RAPGEF2: variants seen among roughly 807,000 people sequenced by gnomAD.
RAPGEF2 encodes the protein Rap guanine nucleotide exchange factor 2.
A neutral mutation model predicts 186.7 loss-of-function variants in RAPGEF2; 54 were observed. The ratio of observed to expected loss-of-function variants is 0.29; its 90% confidence interval spans 0.23 to 0.36. The LOEUF is 0.36. RAPGEF2 is among the 10% of genes least tolerant of loss of function. RAPGEF2 has a pLI of 1.00. For synonymous variants in RAPGEF2, 712 were observed against 705.9 expected (o/e 1.01, Z -0.14); for missense variants, 1,532 against 2,045.0 (o/e 0.75, Z 4.84).
chr4:159,182,386 CTTTTTTT>C lies in RAPGEF2; in HGVS notation c.70-4235_70-4229del, dbSNP rs575743979. ...AAGCTTCCTAGTATTTTCTTTTCTT[CTTTTTTT>C]TTTTTTTTTTTTTTTTTTTTGATAC... On this transcript the variant is annotated intron_variant, in intron 1 of 29. Transcript: ENST00000691494. Among the ~76,000 whole-genome samples the C allele has an allele frequency of 1.1e-3, 94 of 85,670 alleles. 1 individual carries two copies. Among genetic ancestry groups the C allele is most frequent in the African/African-American group, 2.2e-3 (51 of 22,982 alleles). 56.2% of individuals were successfully genotyped at this position (85,670 alleles called of 152,430 possible).
intron 3 of RAPGEF2, among the ~76,000 whole-genome samples, chr4:159,201,616 G>C (rs183688345): frequency 0.023 from 3,567 of 152,254 alleles, 65 homozygotes; most frequent in Non-Finnish European, 0.036. Flanking sequence ...CAGCAGTGTA[G>C]GTGAGCAAAA....
At chr4:159,319,381 T>C (rs1197957057) in intron 9 of RAPGEF2, among the ~76,000 whole-genome samples, 1 of 152,168 alleles carries the variant, frequency 6.6e-6, no homozygotes, top group Non-Finnish European at 1.5e-5. Flanking sequence ...TAATGCTTGA[T>C]GATCTGAGGC....
chr4:159,261,677 C>T (rs1319740693), intron 7 of RAPGEF2, among the ~76,000 whole-genome samples: 1 of 152,216 alleles, frequency 6.6e-6, no homozygotes, highest in Admixed American at 6.5e-5. Context: ...CTGTAATACC[C>T]TACAGTGCAG....
At chr4:159,168,868 G>A (rs1305149176) in intron 1 of RAPGEF2, among the ~76,000 whole-genome samples, 2 of 152,238 alleles carry the variant, frequency 1.3e-5, no homozygotes, top group African/African-American at 4.8e-5. Flanking sequence ...GGATATAGAA[G>A]TTTTGATATC....
At chr4:159,113,951 G>GTTTAT (rs148887171) in intron 1 of RAPGEF2, among the ~76,000 whole-genome samples, 2,769 of 151,308 alleles carry the variant, frequency 0.018, 78 homozygotes, top group African/African-American at 0.063. Flanking sequence ...AAATAGTAAC[G>GTTTAT]TTTATTTTAT....
At chr4:159,201,559 C>T (rs973227592) in intron 3 of RAPGEF2, among the ~76,000 whole-genome samples, 9 of 152,090 alleles carry the variant, frequency 5.9e-5, no homozygotes, top group African/African-American at 9.7e-5. Context: ...TTGGCATAAT[C>T]GTATATTTGA....
intron 7 of RAPGEF2, among the ~76,000 whole-genome samples, chr4:159,262,043 C>G (rs1231569999): frequency 6.6e-6 from 1 of 152,210 alleles, no homozygotes; most frequent in East Asian, 1.9e-4. Flanking sequence ...AATTACTCAC[C>G]CATCCTGTGT....
intron 5 of RAPGEF2, among the ~76,000 whole-genome samples, chr4:159,240,569 G>A (rs1029692321): frequency 2.6e-5 from 4 of 151,572 alleles, no homozygotes; most frequent in Non-Finnish European, 4.4e-5. Flanking sequence ...TCCTGACCTC[G>A]TGATCCACCC....
chr4:159,244,486 A>G (rs930777124), intron 7 of RAPGEF2, among the ~76,000 whole-genome samples: 6 of 152,122 alleles, frequency 3.9e-5, no homozygotes, highest in African/African-American at 1.4e-4. Flanking sequence ...TACTGTACTA[A>G]GTACTAAAAT....
intron 7 of RAPGEF2, among the ~76,000 whole-genome samples, chr4:159,261,533 A>T (rs1242567719): frequency 6.6e-6 from 1 of 152,208 alleles, no homozygotes; most frequent in Non-Finnish European, 1.5e-5. Context: ...GAATATTAAT[A>T]TTCCATTTTT....
chr4:159,164,291 A>G (rs75981513), intron 1 of RAPGEF2, among the ~76,000 whole-genome samples: 5,335 of 145,906 alleles, frequency 0.037, 328 homozygotes, highest in African/African-American at 0.13. Context: ...GGCGTGAGCC[A>G]CTGCACCCGG....
chr4:159,193,726 C>T (rs1298052295), intron 3 of RAPGEF2, among the ~76,000 whole-genome samples: 1 of 152,150 alleles, frequency 6.6e-6, no homozygotes, highest in Non-Finnish European at 1.5e-5. Flanking sequence ...AGATGTGCAA[C>T]ATATTCCTTA....
At chr4:159,121,893 C>T (rs893941762) in intron 1 of RAPGEF2, among the ~76,000 whole-genome samples, 22 of 149,906 alleles carry the variant, frequency 1.5e-4, no homozygotes, top group African/African-American at 4.4e-4. Context: ...AAAAATTAGC[C>T]GGGCATAGGT....
chr4:159,246,264 C>T (rs1337989050), intron 7 of RAPGEF2, among the ~76,000 whole-genome samples: 3 of 151,986 alleles, frequency 2.0e-5, no homozygotes, highest in Non-Finnish European at 4.4e-5. Flanking sequence ...GAAAATACTA[C>T]ATAAGATTAA....
chr4:159,228,389 T>C (rs139488273), intron 4 of RAPGEF2: 3 of 152,314 alleles, frequency 2.0e-5, no homozygotes, highest in African/African-American at 4.8e-5. Context: ...ATTAAAATGT[T>C]AGTAGCTTAA....
Position 159,198,318 on chromosome 4 carries a change from CTT to C in RAPGEF2, c.197+5064_197+5065del, listed in dbSNP as rs70962659. On this transcript the variant is annotated intron_variant, in intron 3 of 29. Transcript: ENST00000691494. The stretch of plus-strand genomic sequence containing the variant: ...TCTTTCTTTCTTTCTTTCTTTCTTT[CTT>C]TCTTTCTTTCTTTCTTTTTCTTTCT... Among the ~76,000 whole-genome samples the C allele has an allele frequency of 2.3e-3, 116 of 50,540 alleles. 3 individuals are homozygous for C. Among genetic ancestry groups the C allele is most frequent in the African/African-American group, 5.8e-3 (62 of 10,652 alleles). The allele number at this position is 50,540 out of a possible 152,430, so 33.2% of individuals were successfully genotyped here. A position where few individuals can be genotyped will look rare whatever the true frequency, so the allele number is the denominator to read the frequency against.
chr4:159,276,390 A>G (rs1370466662), intron 7 of RAPGEF2, among the ~76,000 whole-genome samples: 4 of 152,206 alleles, frequency 2.6e-5, no homozygotes, highest in Non-Finnish European at 1.5e-5. Flanking sequence ...AATTAATATC[A>G]TTTGTTGAAA....
intron 4 of RAPGEF2, among the ~76,000 whole-genome samples, chr4:159,215,624 G>A (rs1299761439): frequency 6.6e-6 from 1 of 152,168 alleles, no homozygotes; most frequent in Non-Finnish European, 1.5e-5. Flanking sequence ...CAAAGGAAGG[G>A]CCTTTTAATA....
At chr4:159,118,853 G>C (rs1739352161) in intron 1 of RAPGEF2, among the ~76,000 whole-genome samples, 1 of 152,094 alleles carries the variant, frequency 6.6e-6, no homozygotes, top group Non-Finnish European at 1.5e-5. Flanking sequence ...CCAAAGTGCT[G>C]GTATTACAGG....
Sources: gnomAD v4.1 joint callset for allele counts (sites outside exome capture counted in the v4.1 genomes callset) on GRCh38, gnomAD v4.1.1 for gene constraint, MANE v1.5 for transcripts, NCBI Gene and HGNC (gene_info 2026-07-23, HGNC 2026-07-21) for gene names.